Variants in DIPK2A observed in about 807,000 individuals in gnomAD.
The protein encoded by DIPK2A is divergent protein kinase domain 2A.
Under a neutral mutation model 39.0 loss-of-function variants are expected in DIPK2A, and 27 were observed. The observed-to-expected ratio is 0.69, with a 90% CI of 0.51 to 0.96. The LOEUF is 0.96. Ranked by LOEUF, DIPK2A falls within the 40% of genes least tolerant of loss-of-function variation. The pLI is 0.00. For synonymous variants in DIPK2A, 298 were observed against 240.8 expected (o/e 1.24, Z -2.20); for missense variants, 528 against 571.3 (o/e 0.92, Z 0.77).
intron 1 of DIPK2A, among the ~76,000 whole-genome samples, chr3:143,975,797 A>G (rs2087720434): frequency 6.6e-6 from 1 of 152,076 alleles, no homozygotes; most frequent in African/African-American, 2.4e-5. Flanking sequence ...GCTGGTGACA[A>G]ACTAGATTTT....
At chr3:143,987,018 A>T (rs964194170) in intron 2 of DIPK2A, among the ~76,000 whole-genome samples, 5 of 152,120 alleles carry the variant, frequency 3.3e-5, no homozygotes, top group Non-Finnish European at 4.4e-5. Context: ...ATCCTATTAA[A>T]TACTTGATTT....
At position 143,985,685 on chromosome 3, in the gene DIPK2A, T is replaced by C; in HGVS notation, c.800T>C (p.Leu267Ser). Residue 267 changes from leucine (L) to serine (S), a missense_variant, in exon 2 of 3, where the codon TTA (leucine) becomes TCA (serine). Leu to Ser is a moderately radical substitution (Grantham distance 145). Coordinates refer to ENST00000315691, the MANE Select transcript of DIPK2A (RefSeq NM_173552.5). ...AAACGAGTTGACCTCGCTTGGCAAT[T>C]AATGGAAATAGCAGAACAGCTTACA... is the stretch of plus-strand genomic sequence containing the variant. ...WEKRVDLAWQLMEIAEQLTNN... is the reference protein window; with the variant it reads ...WEKRVDLAWQSMEIAEQLTNN... The C allele has an allele frequency of 6.2e-7, 1 of 1,614,154 alleles. No homozygotes were observed.
intron 1 of DIPK2A, among the ~76,000 whole-genome samples, chr3:143,974,024 A>G (rs998451289): frequency 2.4e-4 from 36 of 152,238 alleles, no homozygotes; most frequent in African/African-American, 8.7e-4. Context: ...GCTCCTTTCC[A>G]TGACAAGAGA....
intron 1 of DIPK2A, among the ~76,000 whole-genome samples, chr3:143,976,350 AC>A (rs998030440): frequency 6.6e-6 from 1 of 151,808 alleles, no homozygotes; most frequent in African/African-American, 2.4e-5. Flanking sequence ...TGCCAGGTAT[AC>A]TGTAATCCTA....
In DIPK2A at chr3:143,985,648, G is replaced by A; in HGVS notation, c.763G>A (p.Ala255Thr). 1 of 1,614,054 alleles carries A rather than the reference G, an allele frequency of 6.2e-7. No individual in the cohort carries two copies. The highest frequency in any genetic ancestry group is 8.5e-7 in the Non-Finnish European group (1 of 1,179,940). ...AGAAGAACTGTGGAGTTACTTTAAT[G>A]CGCCATGGGAAAAACGAGTTGACCT... ...VGEELWSYFNAPWEKRVDLAW... is the reference protein window; with the variant it reads ...VGEELWSYFNTPWEKRVDLAW... Residue 255 changes from alanine (A) to threonine (T), a missense_variant, in exon 2 of 3, where the codon GCG (alanine) becomes ACG (threonine). Ala to Thr is a moderately conservative substitution (Grantham distance 58, BLOSUM62 0). Transcript: ENST00000315691.
rs1048547150 is a variant in DIPK2A, at chr3:143,972,639, G to A, written c.307G>A (p.Gly103Ser). The part of the protein sequence containing the change: ...FAQYGEPREG[G>S]RRRVVLKRLG... The stretch of plus-strand genomic sequence containing the variant: ...GCAGTACGGCGAGCCCCGCGAGGGC[G>A]GCCGCCGCCGAGTGGTGCTCAAGCG... Residue 103 changes from glycine to serine, a missense_variant, in exon 1 of 3, where the codon GGC becomes AGC. By Grantham distance (56) the Gly-to-Ser change is moderately conservative. This residue lies in a region of DIPK2A where 309 missense variants were observed against 289.8 expected (regional missense o/e 1.07). Transcript: ENST00000315691. 21 of 1,611,272 alleles carry A rather than the reference G, an allele frequency of 1.3e-5. No homozygotes were observed. The highest frequency in any genetic ancestry group is 1.7e-5 in the Non-Finnish European group (20 of 1,179,352).
chr3:143,973,300 C>T (rs1399769212), intron 1 of DIPK2A: 3 of 1,521,906 alleles, frequency 2.0e-6, no homozygotes, highest in East Asian at 2.5e-5. Flanking sequence ...TGCGAGTTTC[C>T]TTCCGCTCTC....
chr3:143,984,099 C>T (rs1362939317), intron 1 of DIPK2A, among the ~76,000 whole-genome samples: 1 of 152,190 alleles, frequency 6.6e-6, no homozygotes, highest in Admixed American at 6.5e-5. Flanking sequence ...TCTGAGCCTT[C>T]ATAGAATTGA....
chr3:143,984,243 G>A (rs2087866811), intron 1 of DIPK2A, among the ~76,000 whole-genome samples: 1 of 152,152 alleles, frequency 6.6e-6, no homozygotes, highest in African/African-American at 2.4e-5. Flanking sequence ...ACATTTGTGT[G>A]TTCACTGGCG....
chr3:143,985,147 T>C (rs2087880625), intron 1 of DIPK2A, among the ~76,000 whole-genome samples: 1 of 152,230 alleles, frequency 6.6e-6, no homozygotes, highest in South Asian at 2.1e-4. Context: ...AAATAACTGC[T>C]GGTTAATAGG....
At chr3:143,979,409 C>CA (rs1020840071) in intron 1 of DIPK2A, among the ~76,000 whole-genome samples, 7 of 152,050 alleles carry the variant, frequency 4.6e-5, no homozygotes, top group South Asian at 2.1e-4. Context: ...AATGGTAGTA[C>CA]AAAAAAACAG....
intron 1 of DIPK2A, chr3:143,973,264 C>CT (rs1198340672): frequency 7.5e-7 from 1 of 1,337,358 alleles, no homozygotes; most frequent in Non-Finnish European, 1.0e-6. Context: ...GAGTGCGTCT[C>CT]TTAACACTCC....
At position 143,972,213 on chromosome 3, in the gene DIPK2A, C is replaced by T; in HGVS notation, c.-120C>T. On this transcript the variant is annotated 5_prime_UTR_variant, in exon 1 of 3. Transcript: ENST00000315691. ...TCACACACCTACTCCGCCCTCCGCC[C>T]CAGCCCGCGCGCTAGCTCCTTCTCT... The T allele has an allele frequency of 1.0e-6, 1 of 957,974 alleles. No individual in the cohort carries two copies. The highest frequency in any genetic ancestry group is 1.4e-6 in the Non-Finnish European group (1 of 707,280). The allele number at this position is 957,974 out of a possible 1,614,324, so 59.3% of individuals were successfully genotyped here.
At position 143,977,544 on chromosome 3, in the gene DIPK2A, A is replaced by G. The variant is rs750803283; in HGVS notation, c.657+4555A>G. Among the ~76,000 whole-genome samples, 5 of 152,108 alleles carry G rather than the reference A, an allele frequency of 3.3e-5. No homozygotes were observed. In the South Asian group the frequency reaches 6.2e-4, roughly 19 times the overall value. ...AGGATCTTGTGAGGCAATAGTGTGCAAAACGATGTTCCAGACTTTGTTTCA... is the reference window on the plus strand; with the variant it reads ...AGGATCTTGTGAGGCAATAGTGTGCGAAACGATGTTCCAGACTTTGTTTCA... On this transcript the variant is annotated intron_variant, in intron 1 of 2. Coordinates refer to ENST00000315691, the MANE Select transcript of DIPK2A (RefSeq NM_173552.5).
intron 1 of DIPK2A, chr3:143,973,493 C>A: frequency 6.4e-7 from 1 of 1,551,424 alleles, no homozygotes; most frequent in Non-Finnish European, 8.7e-7. Flanking sequence ...ATTTACCTGG[C>A]AGTCATTTGG....
At chr3:143,985,112 C>T (rs555336786) in intron 1 of DIPK2A, among the ~76,000 whole-genome samples, 131 of 152,328 alleles carry the variant, frequency 8.6e-4, no homozygotes, top group Middle Eastern at 6.8e-3. Flanking sequence ...TAATTGCCAC[C>T]GTAACACAGT....
chr3:143,975,387 T>C (rs888611866), intron 1 of DIPK2A, among the ~76,000 whole-genome samples: 9 of 152,142 alleles, frequency 5.9e-5, no homozygotes, highest in Non-Finnish European at 1.3e-4. Flanking sequence ...CGCTGCTTTC[T>C]TTGTAGAATC....
chr3:143,973,009 A>G lies in DIPK2A; in HGVS notation c.657+20A>G. 6.4e-7 allele frequency: 1 copy of G among 1,563,224 alleles called. No homozygotes were observed. The highest frequency in any genetic ancestry group is 1.8e-5 in the Admixed American group (1 of 54,448). On this transcript the variant is annotated intron_variant, in intron 1 of 2. Coordinates refer to ENST00000315691, the MANE Select transcript of DIPK2A (RefSeq NM_173552.5). Reference sequence around the variant, plus strand: ...CTACAGGTAGGCGCGGAGCCAGGGCAGGGGGCGTCCTGGGAGGGGCCGCGC... The same window carrying G: ...CTACAGGTAGGCGCGGAGCCAGGGCGGGGGGCGTCCTGGGAGGGGCCGCGC...
intron 2 of DIPK2A, 44 bp from the exon 3 acceptor site, chr3:143,989,466 A>T: frequency 1.5e-6 from 2 of 1,320,336 alleles, no homozygotes; most frequent in Non-Finnish European, 2.1e-6. Flanking sequence ...AATGAAAACT[A>T]TTTAAAAAAT....
Sources: allele counts gnomAD v4.1 joint callset (sites outside exome capture counted in the v4.1 genomes callset), GRCh38; gene constraint gnomAD v4.1.1; regional missense constraint gnomAD v4.1.1; transcripts MANE v1.5; gene names NCBI Gene and HGNC (gene_info 2026-07-23, HGNC 2026-07-21).